The following COL8A2 variants were observed in gnomAD, a reference collection of about 807,000 sequenced individuals.
COL8A2 encodes collagen type VIII alpha 2 chain.
In COL8A2, 16 loss-of-function variants were observed where a neutral mutation model predicts 24.0. The ratio of observed to expected loss-of-function variants is 0.67; its 90% CI spans 0.45 to 1.01. COL8A2 has a LOEUF of 1.01. Among genes scored for constraint, COL8A2 ranks in the 50% least tolerant of loss-of-function variants. The probability of loss-of-function intolerance (pLI) is 0.00; values close to 1 mark genes in which losing one functional copy is unlikely to be tolerated. For synonymous variants in COL8A2, 466 were observed against 424.5 expected, an observed-to-expected ratio of 1.10 and a Z score of -1.20; for missense variants, 818 against 942.4, an observed-to-expected ratio of 0.87 and a Z score of 1.73.
chr1:36,121,276 C>A (rs1051849504), intron 1 of COL8A2, among the ~76,000 whole-genome samples: 1 of 147,986 alleles, frequency 6.8e-6, no homozygotes, highest in Admixed American at 6.9e-5. Flanking sequence ...GTAGTCCCAG[C>A]TACTCAGGAG....
At position 36,115,790 on chromosome 1, in the gene COL8A2, A is replaced by G. The variant is rs1643876282; in HGVS notation, c.-61-38T>C. ...AAGAGAAACAGTGAGGCTATGGGGC[A>G]GTGGCTCAAGCTTGTAATCCCAGCA... is the stretch of plus-strand genomic sequence containing the variant. On this transcript the variant is annotated intron_variant, in intron 1 of 3. Coordinates refer to ENST00000397799, the MANE Select transcript of COL8A2 (RefSeq NM_005202.4). This position sits in a 1 kb window ranked among gnomAD's most constrained non-coding sequence, Gnocchi z 5.7. 1 of 980,804 alleles carries G rather than the reference A, an allele frequency of 1.0e-6. No homozygotes were observed. Among genetic ancestry groups the G allele is most frequent in the East Asian group, 1.1e-4 (1 of 8,780 alleles). 60.8% of individuals were successfully genotyped at this position (980,804 alleles called of 1,614,324 possible). A position where few individuals can be genotyped will look rare whatever the true frequency, so the allele number is the denominator to read the frequency against.
rs1448237595 is a variant in COL8A2, at chr1:36,115,905, T to A, written c.-61-153A>T. On this transcript the variant is annotated intron_variant, in intron 1 of 3. Coordinates refer to ENST00000397799, the MANE Select transcript of COL8A2 (RefSeq NM_005202.4). The surrounding 1 kb of genome is among the most constrained non-coding windows in gnomAD (Gnocchi z 5.7). ...AGGGAGACATTGTCTGTACTAAAAA[T>A]TTTAAAAAATTAGCTGGGCATGATG... Among the ~76,000 whole-genome samples the A allele has an allele frequency of 6.6e-6, 1 of 151,626 alleles. No individual in the cohort carries two copies. Among genetic ancestry groups the A allele is most frequent in the Non-Finnish European group, 1.5e-5 (1 of 67,914 alleles).
At chr1:36,109,346 GTCTCTGTCATCACA>G (rs1643806497) in intron 2 of COL8A2, among the ~76,000 whole-genome samples, 1 of 152,168 alleles carries the variant, frequency 6.6e-6, no homozygotes, top group Non-Finnish European at 1.5e-5. Context: ...TTCTGGCTCT[GTCTCTGTCATCACA>G]ACAGGTGAAC....
chr1:36,109,015 G>A (rs765981762), intron 2 of COL8A2, among the ~76,000 whole-genome samples: 3 of 152,114 alleles, frequency 2.0e-5, no homozygotes, highest in Non-Finnish European at 2.9e-5. Flanking sequence ...CCAGGCACCC[G>A]CTAGGTTCCC....
chr1:36,098,242 G>A lies in COL8A2; in HGVS notation c.1439C>T (p.Pro480Leu), dbSNP rs756849850. 6.3e-5 allele frequency: 98 copies of A among 1,544,326 alleles called. No individual in the cohort carries two copies. The highest frequency in any genetic ancestry group is 7.9e-5 in the Admixed American group (4 of 50,902). ...PAGPIGPQGLPGLKGEPGLPG... is the reference protein window; with the variant it reads ...PAGPIGPQGLLGLKGEPGLPG... ...CAGGCCTGGTTCCCCCTTCAGGCCC[G>A]GCAGGCCTTGGGGCCCAATAGGGCC... The change falls in exon 4 of 4, where the codon CCG becomes CTG. Residue 480 changes from proline (P) to leucine (L), a missense_variant. Around this residue, in one of 3 missense-constraint regions of COL8A2, gnomAD observed 10 missense variants for 28.3 expected, o/e 0.35. Coordinates refer to ENST00000397799, the MANE Select transcript of COL8A2 (RefSeq NM_005202.4).
At chr1:36,109,953 G>A (rs556045681) in intron 2 of COL8A2, among the ~76,000 whole-genome samples, 78 of 131,046 alleles carry the variant, frequency 6.0e-4, no homozygotes, top group Non-Finnish European at 2.7e-4. Context: ...TTTTTGAGAC[G>A]GAGTCTTGCT....
rs1169854603 is a variant in COL8A2 at position 36,125,099 on chromosome 1, C to T, written c.-104G>A. On this transcript the variant is annotated 5_prime_UTR_variant, in exon 1 of 4. Coordinates refer to ENST00000397799, the MANE Select transcript of COL8A2 (RefSeq NM_005202.4). The surrounding 1 kb of genome is among the most constrained non-coding windows in gnomAD (Gnocchi z 4.5). ...GGGCGCCGCTCCCGGCCCTCGAGGG[C>T]GGCCCGGGCGGCGAGGGCTCCGGGC... The T allele has an allele frequency of 1.0e-6, 1 of 974,790 alleles. No individual in the cohort carries two copies. The highest frequency in any genetic ancestry group is 1.2e-6 in the Non-Finnish European group (1 of 822,264). 60.4% of individuals were successfully genotyped at this position (974,790 alleles called of 1,614,324 possible). A position where few individuals can be genotyped will look rare whatever the true frequency, so the allele number is the denominator to read the frequency against.
intron 2 of COL8A2, among the ~76,000 whole-genome samples, chr1:36,101,423 C>T (rs1173901059): frequency 6.6e-6 from 1 of 152,204 alleles, no homozygotes; most frequent in Non-Finnish European, 1.5e-5. Context: ...GCTGTCATCC[C>T]TTCCTCTATA....
intron 2 of COL8A2, among the ~76,000 whole-genome samples, chr1:36,103,103 C>T (rs934279098): frequency 2.0e-5 from 3 of 152,056 alleles, no homozygotes; most frequent in Non-Finnish European, 4.4e-5. Context: ...CCACCTCATC[C>T]TCCCAAGTAG....
intron 2 of COL8A2, among the ~76,000 whole-genome samples, chr1:36,109,064 C>A (rs1044262712): frequency 6.6e-5 from 10 of 152,198 alleles, no homozygotes; most frequent in Admixed American, 6.5e-4. Context: ...GTGGATGAAA[C>A]GCAGCCCTGC....
intron 2 of COL8A2, among the ~76,000 whole-genome samples, chr1:36,109,148 C>T (rs2124093258): frequency 1.3e-5 from 2 of 152,334 alleles, no homozygotes; most frequent in South Asian, 4.1e-4. Flanking sequence ...GGTGGGGGCA[C>T]TCAGGCAGCC....
intron 2 of COL8A2, among the ~76,000 whole-genome samples, chr1:36,100,781 G>A (rs887964830): frequency 6.6e-6 from 1 of 151,510 alleles, no homozygotes; most frequent in Non-Finnish European, 1.5e-5. Flanking sequence ...CCAGAGATGG[G>A]ATTTGTCTTA....
rs368851415 is a variant in COL8A2 at position 36,097,518 on chromosome 1, G to A, written c.*51C>T. ...GAGGTTCTTTGTAATTGAAAAGGTC[G>A]CTCTACCACTAAAGGGGAGGAGGCC... On this transcript the variant is annotated 3_prime_UTR_variant, in exon 4 of 4. Transcript: ENST00000397799. 1.2e-5 allele frequency: 17 copies of A among 1,380,648 alleles called. No individual in the cohort carries two copies. Among genetic ancestry groups the A allele is most frequent in the South Asian group, 1.0e-4 (8 of 76,768 alleles). The allele number at this position is 1,380,648 out of a possible 1,614,324, so 85.5% of individuals were successfully genotyped here. A position where few individuals can be genotyped will look rare whatever the true frequency, so the allele number is the denominator to read the frequency against.
intron 1 of COL8A2, among the ~76,000 whole-genome samples, chr1:36,120,757 A>AG (rs1477522531): frequency 6.7e-6 from 1 of 149,954 alleles, no homozygotes; most frequent in African/African-American, 2.5e-5. Flanking sequence ...CAAAAAAAAA[A>AG]AAAAAAATAG....
At position 36,123,209 on chromosome 1, in the gene COL8A2, C is replaced by T. The variant is rs912777879; in HGVS notation, c.-62+1848G>A. On this transcript the variant is annotated intron_variant, in intron 1 of 3. Coordinates refer to ENST00000397799, the MANE Select transcript of COL8A2 (RefSeq NM_005202.4). The surrounding 1 kb of genome is among the most constrained non-coding windows in gnomAD (Gnocchi z 4.1). ...CCGACACTATAATTTCCTCCTGCCA[C>T]GGATGGGACCAGCGCATCTGAGACC... is the stretch of plus-strand genomic sequence containing the variant. Among the ~76,000 whole-genome samples, 1 of 152,180 alleles carries T rather than the reference C, an allele frequency of 6.6e-6. No homozygotes were observed. Among genetic ancestry groups the T allele is most frequent in the Non-Finnish European group, 1.5e-5 (1 of 68,038 alleles).
In COL8A2 at chr1:36,097,997, G is replaced by T. The variant is rs553701703; in HGVS notation, c.1684C>A (p.Pro562Thr). ...GACAGCTCGCCCAGCCCAAACTGTG[G>T]CTTGCCCCCCTTGCCCAGCACGGCA... The part of the protein sequence containing the change: ...EGAVLGKGGK[P>T]QFGLGELSAH... The change falls in exon 4 of 4, where the codon CCA becomes ACA. Residue 562 changes from proline to threonine, a missense_variant. Transcript: ENST00000397799. 6.2e-7 allele frequency: 1 copy of T among 1,602,436 alleles called. No individual in the cohort carries two copies. The highest frequency in any genetic ancestry group is 1.1e-5 in the South Asian group (1 of 90,610).
intron 2 of COL8A2, among the ~76,000 whole-genome samples, chr1:36,112,770 A>G (rs1470956534): frequency 6.6e-6 from 1 of 152,146 alleles, no homozygotes; most frequent in Non-Finnish European, 1.5e-5. Flanking sequence ...CTGCATCTGG[A>G]TGACTGGGAC....
chr1:36,121,200 C>G (rs1335178944), intron 1 of COL8A2, among the ~76,000 whole-genome samples: 2 of 149,802 alleles, frequency 1.3e-5, no homozygotes, highest in Admixed American at 1.3e-4. Context: ...ACCAGCCTGG[C>G]CGATACAGTG....
At chr1:36,101,450 T>C (rs1466408999) in intron 2 of COL8A2, among the ~76,000 whole-genome samples, 1 of 152,204 alleles carries the variant, frequency 6.6e-6, no homozygotes, top group East Asian at 1.9e-4. Flanking sequence ...CATTTCTTTG[T>C]GCCCTGACCT....
Sources: allele counts gnomAD v4.1 joint callset (sites outside exome capture counted in the v4.1 genomes callset), GRCh38; gene constraint gnomAD v4.1.1; regional missense constraint gnomAD v4.1.1; non-coding constraint Gnocchi (gnomAD v3.1); transcripts MANE v1.5; gene names NCBI Gene and HGNC (gene_info 2026-07-23, HGNC 2026-07-21).